Variants in PRKCB observed in about 807,000 individuals in gnomAD.
The protein encoded by PRKCB is protein kinase C beta, also known as protein kinase C beta type.
A neutral mutation model predicts 81.5 loss-of-function variants in PRKCB; 13 were observed. That is an observed-to-expected ratio of 0.16 (90% CI 0.10 to 0.25). PRKCB has a LOEUF of 0.25. PRKCB is among the 10% of genes least tolerant of loss of function. The pLI, the probability that PRKCB is intolerant of heterozygous loss-of-function variation, is 1.00. For synonymous variants in PRKCB, 335 were observed against 321.4 expected, an observed-to-expected ratio of 1.04 and a Z score of -0.45; for missense variants, 509 against 875.7, an observed-to-expected ratio of 0.58 and a Z score of 5.29.
At chr16:23,994,086 G>T (rs1046885260) in intron 3 of PRKCB, among the ~76,000 whole-genome samples, 2 of 152,144 alleles carry the variant, frequency 1.3e-5, no homozygotes, top group East Asian at 1.9e-4. Flanking sequence ...TCCCAGCCTT[G>T]CCCAAAGGGA....
chr16:23,938,776 A>G (rs1191935206), intron 2 of PRKCB, among the ~76,000 whole-genome samples: 3 of 152,244 alleles, frequency 2.0e-5, no homozygotes. Context: ...AGGTTATAAA[A>G]AATCAATGAC....
At chr16:24,112,525 G>A (rs1005537107) in intron 7 of PRKCB, among the ~76,000 whole-genome samples, 2 of 152,096 alleles carry the variant, frequency 1.3e-5, no homozygotes, top group Admixed American at 1.3e-4. Flanking sequence ...GTGACAGAGT[G>A]AGACCCTATC....
At chr16:23,996,817 A>G (rs1214565789) in intron 3 of PRKCB, among the ~76,000 whole-genome samples, 1 of 152,162 alleles carries the variant, frequency 6.6e-6, no homozygotes, top group East Asian at 1.9e-4. Flanking sequence ...GGCCTTTTGA[A>G]GAGTCAGTTA....
chr16:23,934,705 C>T (rs1194782189), intron 2 of PRKCB, among the ~76,000 whole-genome samples: 2 of 151,934 alleles, frequency 1.3e-5, no homozygotes, highest in African/African-American at 2.4e-5. Flanking sequence ...GTAGTCTGTT[C>T]GTTACTGGGA....
chr16:23,933,176 G>GCA (rs1964002047), intron 2 of PRKCB, among the ~76,000 whole-genome samples: 1 of 152,164 alleles, frequency 6.6e-6, no homozygotes, highest in Non-Finnish European at 1.5e-5. Context: ...GACCCAGTTT[G>GCA]GGTCATGTAG....
intron 13 of PRKCB, among the ~76,000 whole-genome samples, chr16:24,183,994 T>C (rs1481401196): frequency 6.6e-6 from 1 of 152,224 alleles, no homozygotes; most frequent in Non-Finnish European, 1.5e-5. Context: ...CTTAAGGAAA[T>C]ACTTGGACAG....
In PRKCB at chr16:24,184,972, T is replaced by C. The variant is rs574277427; in HGVS notation, c.1534-139T>C. 13 of 745,056 alleles carry C rather than the reference T, an allele frequency of 1.7e-5. No homozygotes were observed. The South Asian group carries it at 1.8e-4, about 10-fold the overall frequency. 46.2% of individuals were successfully genotyped at this position (745,056 alleles called of 1,614,324 possible). A position where few individuals can be genotyped will look rare whatever the true frequency, so the allele number is the denominator to read the frequency against. ...CAGCTGCAGGTGCCTCTGCAAAGCA[T>C]GTCTGTCATTCCCTGAATAGCTAAT... is the stretch of plus-strand genomic sequence containing the variant. On this transcript the variant is annotated intron_variant, in intron 13 of 16. Transcript: ENST00000643927.
At chr16:23,919,180 G>A (rs531674424) in intron 2 of PRKCB, among the ~76,000 whole-genome samples, 181 of 152,310 alleles carry the variant, frequency 1.2e-3, no homozygotes, top group Middle Eastern at 3.4e-3. Flanking sequence ...ACAGTGTGAT[G>A]TAAGGGATAT....
In PRKCB at chr16:24,181,502, C is replaced by T. The variant is rs142883336; in HGVS notation, c.1533+574C>T. ...AAATACAAGGCCAGGTGTGGCAGCT[C>T]GCGCCTGTAATCCCAGCACTTTGGG... On this transcript the variant is annotated intron_variant, in intron 13 of 16. Transcript: ENST00000643927. Among the ~76,000 whole-genome samples the T allele has an allele frequency of 3.0e-3, 453 of 152,234 alleles. 4 individuals carry two copies. The highest frequency in any genetic ancestry group is 0.011 in the African/African-American group (437 of 41,550).
At chr16:23,876,099 A>G (rs1963010219) in intron 2 of PRKCB, among the ~76,000 whole-genome samples, 1 of 152,198 alleles carries the variant, frequency 6.6e-6, no homozygotes, top group Non-Finnish European at 1.5e-5. Context: ...TGATCAACTC[A>G]TTTACACACG....
chr16:24,028,212 C>T (rs1389339714), intron 3 of PRKCB, among the ~76,000 whole-genome samples: 3 of 152,166 alleles, frequency 2.0e-5, no homozygotes, highest in African/African-American at 7.2e-5. Context: ...TCTCAGCCTC[C>T]CAAGTAGCTG....
chr16:24,015,655 G>A (rs1965268098), intron 3 of PRKCB, among the ~76,000 whole-genome samples: 1 of 152,152 alleles, frequency 6.6e-6, no homozygotes, highest in African/African-American at 2.4e-5. Context: ...ATTTTCTCAG[G>A]GAAGCCCTCC....
At chr16:23,888,215 G>C (rs371118182) in intron 2 of PRKCB, among the ~76,000 whole-genome samples, 2 of 152,162 alleles carry the variant, frequency 1.3e-5, no homozygotes, top group Admixed American at 6.5e-5. Context: ...CTAGTTTCAG[G>C]CTGCCTCTTA....
At chr16:24,154,142 A>G (rs991559034) in intron 9 of PRKCB, among the ~76,000 whole-genome samples, 3 of 152,250 alleles carry the variant, frequency 2.0e-5, no homozygotes, top group South Asian at 2.1e-4. Flanking sequence ...TCAATATACA[A>G]TCATCTCCCC....
intron 5 of PRKCB, among the ~76,000 whole-genome samples, chr16:24,079,620 T>C (rs1966223803): frequency 6.6e-6 from 1 of 152,230 alleles, no homozygotes; most frequent in South Asian, 2.1e-4. Flanking sequence ...AAAAATGGTA[T>C]CAATCAGATG....
intron 2 of PRKCB, among the ~76,000 whole-genome samples, chr16:23,916,832 T>C (rs1235015745): frequency 6.6e-6 from 1 of 152,080 alleles, no homozygotes; most frequent in Admixed American, 6.6e-5. Flanking sequence ...TGATCTTGGC[T>C]CACTGCAGCC....
intron 3 of PRKCB, among the ~76,000 whole-genome samples, chr16:24,028,291 A>G (rs1192198113): frequency 2.6e-5 from 4 of 152,264 alleles, no homozygotes; most frequent in South Asian, 4.1e-4. Context: ...GTTTCACCAT[A>G]TCGGTCAGGC....
chr16:23,881,838 CA>C (rs986747393), intron 2 of PRKCB, among the ~76,000 whole-genome samples: 10 of 151,808 alleles, frequency 6.6e-5, no homozygotes, highest in African/African-American at 1.2e-4. Flanking sequence ...TCTTCCTCCC[CA>C]CCGAGCCTCT....
chr16:24,004,607 A>G (rs1965091669), intron 3 of PRKCB, among the ~76,000 whole-genome samples: 1 of 152,008 alleles, frequency 6.6e-6, no homozygotes, highest in African/African-American at 2.4e-5. Flanking sequence ...ATGAGCTGTG[A>G]TTGCACCACT....
Sources: gnomAD v4.1 joint callset for allele counts (sites outside exome capture counted in the v4.1 genomes callset) on GRCh38, gnomAD v4.1.1 for gene constraint, MANE v1.5 for transcripts, NCBI Gene and HGNC (gene_info 2026-07-23, HGNC 2026-07-21) for gene names.